PTPRN2: variants seen among roughly 807,000 people sequenced by gnomAD.
PTPRN2 encodes receptor-type tyrosine-protein phosphatase N2.
Under a neutral mutation model 118.8 loss-of-function variants are expected in PTPRN2, and 74 were observed. The observed-to-expected ratio is 0.62, with a 90% CI of 0.52 to 0.76. The LOEUF (loss-of-function observed/expected upper bound fraction) is 0.76, where lower values mean the gene tolerates loss of function less well. Ranked by LOEUF, PTPRN2 falls within the 30% of genes least tolerant of loss-of-function variation. The probability of loss-of-function intolerance (pLI) is 0.00; values close to 1 mark genes in which losing one functional copy is unlikely to be tolerated. For missense variants in PTPRN2, 1,481 were observed against 1,394.4 expected (o/e 1.06, Z -0.99); for synonymous variants, 641 against 608.0 (o/e 1.05, Z -0.80).
chr7:157,770,634 A>C (rs1802744327), intron 12 of PTPRN2, among the ~76,000 whole-genome samples: 1 of 152,254 alleles, frequency 6.6e-6, no homozygotes, highest in Non-Finnish European at 1.5e-5. Context: ...GCCCAATGAC[A>C]GAGCAGATCT....
chr7:158,358,375 C>T (rs563322458), intron 2 of PTPRN2, among the ~76,000 whole-genome samples: 26 of 152,348 alleles, frequency 1.7e-4, no homozygotes, highest in East Asian at 7.7e-4. Context: ...GGGCTGCAGG[C>T]GGCTCTGCCC....
intron 18 of PTPRN2, among the ~76,000 whole-genome samples, chr7:157,577,019 C>T (rs996837954): frequency 6.6e-6 from 1 of 152,140 alleles, no homozygotes; most frequent in Non-Finnish European, 1.5e-5. Flanking sequence ...GGGGCTTGAG[C>T]GTCAAATAAT....
chr7:157,772,057 T>G (rs1802870798), intron 12 of PTPRN2, among the ~76,000 whole-genome samples: 1 of 128,930 alleles, frequency 7.8e-6, no homozygotes, highest in African/African-American at 3.0e-5. Context: ...CACATAGAAA[T>G]ACACACAGAT....
At chr7:158,475,755 G>T (rs920225243) in intron 2 of PTPRN2, among the ~76,000 whole-genome samples, 4 of 152,308 alleles carry the variant, frequency 2.6e-5, no homozygotes, top group Middle Eastern at 6.8e-3. Context: ...CACACACCTG[G>T]AGACCGTCTT....
intron 12 of PTPRN2, among the ~76,000 whole-genome samples, chr7:157,756,574 C>G (rs994008839): frequency 9.2e-5 from 14 of 152,180 alleles, no homozygotes; most frequent in African/African-American, 3.4e-4. Flanking sequence ...CTGCGCCCAG[C>G]CTTTAACCTT....
In PTPRN2 at chr7:158,177,981, G is replaced by A. The variant is rs556102082; in HGVS notation, c.550-10690C>T. ...GTTAATGTTTTACATTTCCACTGGT[G>A]GCATATGAGAGGTCCAGCTCCTCCA... On this transcript the variant is annotated intron_variant, in intron 5 of 22. Coordinates refer to ENST00000389418, the MANE Select transcript of PTPRN2 (RefSeq NM_002847.5). Among the ~76,000 whole-genome samples, 46 of 152,300 alleles carry A rather than the reference G, an allele frequency of 3.0e-4. No individual in the cohort carries two copies. The South Asian group carries it at 8.5e-3, about 28-fold the overall frequency.
chr7:157,671,829 G>C lies in PTPRN2; in HGVS notation c.2001+10896C>G, dbSNP rs1011469583. On this transcript the variant is annotated intron_variant, in intron 13 of 22. Coordinates refer to ENST00000389418, the MANE Select transcript of PTPRN2 (RefSeq NM_002847.5). This position sits in a 1 kb window ranked among gnomAD's most constrained non-coding sequence, Gnocchi z 4.1. Reference sequence around the variant, plus strand: ...AGCTTCTTCCTACCAGACCCCCGAAGGCCAGGGTCTGGGGGCCTGCTGGGA... The same window carrying C: ...AGCTTCTTCCTACCAGACCCCCGAACGCCAGGGTCTGGGGGCCTGCTGGGA... Among the ~76,000 whole-genome samples, 16 of 152,158 alleles carry C rather than the reference G, an allele frequency of 1.1e-4. No individual in the cohort carries two copies. Among genetic ancestry groups the C allele is most frequent in the Admixed American group, 8.5e-4 (13 of 15,276 alleles).
At chr7:158,511,263 A>G (rs897285775) in intron 1 of PTPRN2, among the ~76,000 whole-genome samples, 1 of 152,150 alleles carries the variant, frequency 6.6e-6, no homozygotes, top group African/African-American at 2.4e-5. Flanking sequence ...ATGGCTACGC[A>G]ATGCTATTTG....
intron 2 of PTPRN2, among the ~76,000 whole-genome samples, chr7:158,359,625 T>A (rs796069816): frequency 1.3e-5 from 2 of 152,178 alleles, no homozygotes; most frequent in African/African-American, 4.8e-5. Context: ...AAAACCAACA[T>A]GGGTCATCAT....
chr7:158,053,229 C>A (rs946801515), intron 11 of PTPRN2, among the ~76,000 whole-genome samples: 1 of 152,152 alleles, frequency 6.6e-6, no homozygotes, highest in East Asian at 1.9e-4. Context: ...GGGCCATCTG[C>A]AGCTGGGAAC....
At position 158,473,058 on chromosome 7, in the gene PTPRN2, C is replaced by T. The variant is rs180855087; in HGVS notation, c.163+16677G>A. 1.3e-3 allele frequency among the ~76,000 whole-genome samples: 199 copies of T among 152,112 alleles called. 1 individual carries two copies. Among genetic ancestry groups the T allele is most frequent in the Non-Finnish European group, 2.5e-3 (173 of 68,006 alleles). ...TTGTATGCATAATCTTTAGAATCCA[C>T]GTTTGGTTCGATATTTCTGCTTTAA... On this transcript the variant is annotated intron_variant, in intron 2 of 22. Transcript: ENST00000389418.
intron 12 of PTPRN2, among the ~76,000 whole-genome samples, chr7:157,889,540 T>G (rs2151303172): frequency 6.6e-6 from 1 of 152,366 alleles, no homozygotes; most frequent in South Asian, 2.1e-4. Context: ...CTTCACCTTT[T>G]GATGCAGAAT....
chr7:158,261,404 G>A (rs1236246001), intron 3 of PTPRN2, among the ~76,000 whole-genome samples: 2 of 152,102 alleles, frequency 1.3e-5, no homozygotes, highest in South Asian at 2.1e-4. Flanking sequence ...ATTCCCAACT[G>A]TGTGATCCTG....
rs2128794946 is a variant in PTPRN2 at position 157,944,478 on chromosome 7, G to A, written c.1724-45741C>T. ...TAAGTTTGTGAGAAAAGGATCTATT[G>A]GAAAATTCTTCTTTTTAAAAAAGTT... On this transcript the variant is annotated intron_variant, in intron 11 of 22. Coordinates refer to ENST00000389418, the MANE Select transcript of PTPRN2 (RefSeq NM_002847.5). The surrounding 1 kb of genome is among the most constrained non-coding windows in gnomAD (Gnocchi z 4.3). Among the ~76,000 whole-genome samples the A allele has an allele frequency of 1.3e-5, 2 of 152,302 alleles. No individual in the cohort carries two copies. The highest frequency in any genetic ancestry group is 3.9e-4 in the East Asian group (2 of 5,190).
At chr7:157,898,886 A>AT (rs780427957) in intron 11 of PTPRN2, 149 bp from the exon 12 acceptor site, 13 of 717,172 alleles carry the variant, frequency 1.8e-5, no homozygotes, top group Non-Finnish European at 2.9e-5. Flanking sequence ...CAGGCACAGA[A>AT]TTAGAACCTG....
At chr7:157,724,953 A>T (rs1799443196) in intron 12 of PTPRN2, among the ~76,000 whole-genome samples, 1 of 152,262 alleles carries the variant, frequency 6.6e-6, no homozygotes, top group Non-Finnish European at 1.5e-5. Context: ...TTGAAATATT[A>T]TCAATATTTT....
chr7:157,993,575 C>T (rs1314458808), intron 11 of PTPRN2, among the ~76,000 whole-genome samples: 2 of 152,158 alleles, frequency 1.3e-5, no homozygotes, highest in African/African-American at 4.8e-5. Flanking sequence ...AATCATCTGC[C>T]AGGCCTGGAG....
At chr7:157,998,449 G>A (rs368492178) in intron 11 of PTPRN2, among the ~76,000 whole-genome samples, 3 of 152,216 alleles carry the variant, frequency 2.0e-5, no homozygotes, top group African/African-American at 7.2e-5. Context: ...GCTCTGCCGT[G>A]AGAGGAGCCC....
At chr7:158,264,768 G>A (rs922598716) in intron 3 of PTPRN2, among the ~76,000 whole-genome samples, 1 of 152,144 alleles carries the variant, frequency 6.6e-6, no homozygotes, top group Non-Finnish European at 1.5e-5. Context: ...GCCCCATTCC[G>A]AAAAGCCAGC....
Sources: allele counts gnomAD v4.1 joint callset (sites outside exome capture counted in the v4.1 genomes callset), GRCh38; gene constraint gnomAD v4.1.1; non-coding constraint Gnocchi (gnomAD v3.1); transcripts MANE v1.5; gene names NCBI Gene and HGNC (gene_info 2026-07-23, HGNC 2026-07-21).